Variants in CD300C observed in about 807,000 individuals in gnomAD.
The protein encoded by CD300C is CMRF35-like molecule 6.
A neutral mutation model predicts 18.4 loss-of-function variants in CD300C; 11 were observed. That is an observed-to-expected ratio of 0.60 (90% CI 0.38 to 0.99). The LOEUF (loss-of-function observed/expected upper bound fraction) is 0.99, where lower values mean the gene tolerates loss of function less well. CD300C is among the 50% of genes least tolerant of loss of function. The probability of loss-of-function intolerance (pLI) is 0.01; values close to 1 mark genes in which losing one functional copy is unlikely to be tolerated. For missense variants in CD300C, 277 were observed against 287.4 expected, an observed-to-expected ratio of 0.96 and a Z score of 0.26; for synonymous variants, 116 against 116.3, an observed-to-expected ratio of 1.00 and a Z score of 0.02.
At position 74,542,848 on chromosome 17, in the gene CD300C, G is replaced by A. The variant is rs377347502; in HGVS notation, c.527+13C>T. ...CCGCCAGCGTGGCCCAGTCCTATGC[G>A]CAGGCACCTTACCCAGGGTGTGGGC... is the stretch of plus-strand genomic sequence containing the variant. On this transcript the variant is annotated intron_variant, in intron 3 of 3. Coordinates refer to ENST00000330793, the MANE Select transcript of CD300C (RefSeq NM_006678.5). The A allele has an allele frequency of 1.0e-4, 167 of 1,602,626 alleles. 1 individual carries two copies. In the South Asian group the frequency reaches 1.2e-3, roughly 12 times the overall value.
chr17:74,535,985 A>G, the CD300C span, among the ~76,000 whole-genome samples: 1 of 152,254 alleles, frequency 6.6e-6, no homozygotes, highest in Non-Finnish European at 1.5e-5. Flanking sequence ...AAATGTGGAT[A>G]ATGCTTATCC....
At chr17:74,536,646 T>G (rs989780930), downstream of CD300C, among the ~76,000 whole-genome samples, 23 of 152,006 alleles carry the variant, frequency 1.5e-4, no homozygotes, top group Non-Finnish European at 3.1e-4. Flanking sequence ...GAGCATGAGT[T>G]TAACATTAGT....
At chr17:74,542,679 G>C (rs1389129607) in intron 3 of CD300C, among the ~76,000 whole-genome samples, 182 bp downstream of exon 3, 1 of 152,262 alleles carries the variant, frequency 6.6e-6, no homozygotes. Flanking sequence ...GACAGTGGCT[G>C]TGTGGTTCCC....
intron 2 of CD300C, 88 bp downstream of exon 2, chr17:74,544,521 C>T (rs1328769033): frequency 6.9e-6 from 10 of 1,450,802 alleles, no homozygotes; most frequent in African/African-American, 1.4e-5. Context: ...CCCAGGCTCA[C>T]ACCCTCCTGT....
chr17:74,541,856 C>A (rs576927778), intron 3 of CD300C, 120 bp from the exon 4 acceptor site: 1 of 1,019,822 alleles, frequency 9.8e-7, no homozygotes, highest in East Asian at 2.6e-5. Flanking sequence ...TAAGCACCCC[C>A]CTGGACAGTC....
chr17:74,542,002 G>C (rs943302035), intron 3 of CD300C, among the ~76,000 whole-genome samples: 1 of 152,174 alleles, frequency 6.6e-6, no homozygotes, highest in Non-Finnish European at 1.5e-5. Flanking sequence ...CTGTGTCCAG[G>C]ACGCAGCTGT....
chr17:74,536,910 A>T (rs1013404643), downstream of CD300C, among the ~76,000 whole-genome samples: 1 of 152,166 alleles, frequency 6.6e-6, no homozygotes, highest in Non-Finnish European at 1.5e-5. Flanking sequence ...ATATATGTTC[A>T]TAATAACGTT....
At chr17:74,535,544 T>C in the CD300C span, among the ~76,000 whole-genome samples, 1 of 150,734 alleles carries the variant, frequency 6.6e-6, no homozygotes, top group Non-Finnish European at 1.5e-5. Context: ...AACAAATATA[T>C]GAGCAAATAT....
intron 3 of CD300C, among the ~76,000 whole-genome samples, 171 bp downstream of exon 3, chr17:74,542,690 T>C (rs1391908649): frequency 6.6e-6 from 1 of 152,268 alleles, no homozygotes. Flanking sequence ...TGTGGTTCCC[T>C]GCTGTGACCC....
chr17:74,544,900 C>T lies in CD300C; in HGVS notation c.109G>A (p.Gly37Arg). Residue 37 changes from glycine (G) to arginine (R), a missense_variant, in exon 2 of 4, where the codon GGA becomes AGA. Transcript: ENST00000330793. ...HPMTVAGPVG[G>R]SLSVQCRYEK... is the part of the protein sequence containing the mutation. ...TAGCGACACTGCACACTCAGGGATCCCCCCACGGGGCCCGCCACGGTCATG... is the reference window on the plus strand; with the variant it reads ...TAGCGACACTGCACACTCAGGGATCTCCCCACGGGGCCCGCCACGGTCATG... The T allele has an allele frequency of 3.1e-6, 5 of 1,613,890 alleles. No individual in the cohort carries two copies. Among genetic ancestry groups the T allele is most frequent in the Non-Finnish European group, 4.2e-6 (5 of 1,179,884 alleles).
chr17:74,536,362 T>C (rs962008437), downstream of CD300C, among the ~76,000 whole-genome samples: 1 of 151,662 alleles, frequency 6.6e-6, no homozygotes, highest in Non-Finnish European at 1.5e-5. Context: ...TGAAACCCCG[T>C]CTCTACTAAA....
chr17:74,540,329 T>C (rs552327069), downstream of CD300C, among the ~76,000 whole-genome samples: 11 of 152,368 alleles, frequency 7.2e-5, 1 homozygote, highest in South Asian at 2.1e-3. Context: ...TCTCTTATTT[T>C]ACTCCGTGGC....
downstream of CD300C, among the ~76,000 whole-genome samples, chr17:74,537,364 T>C (rs1908412697): frequency 6.6e-6 from 1 of 152,064 alleles, no homozygotes; most frequent in African/African-American, 2.4e-5. Flanking sequence ...AATAAAGTGT[T>C]GAATGGTCCA....
intron 1 of CD300C, 144 bp from the exon 2 acceptor site, chr17:74,545,091 A>G: frequency 1.4e-6 from 1 of 732,048 alleles, no homozygotes; most frequent in Non-Finnish European, 2.2e-6. Context: ...ACAGGGACTG[A>G]GGGTGGGAGG....
intron 1 of CD300C, 27 bp from the exon 2 acceptor site, chr17:74,544,974 C>G: frequency 6.3e-7 from 1 of 1,578,988 alleles, no homozygotes; most frequent in Non-Finnish European, 8.6e-7. Context: ...AAAATCCTGT[C>G]TCCTTACCAG....
intron 2 of CD300C, among the ~76,000 whole-genome samples, 183 bp downstream of exon 2, chr17:74,544,426 A>G (rs1908674108): frequency 1.3e-5 from 1 of 79,040 alleles, no homozygotes; most frequent in Non-Finnish European, 2.3e-5. Context: ...AAACCACACC[A>G]CAACTCCTAT....
chr17:74,540,811 G>A (rs904454628), downstream of CD300C, among the ~76,000 whole-genome samples: 2 of 152,204 alleles, frequency 1.3e-5, no homozygotes, highest in Non-Finnish European at 2.9e-5. Flanking sequence ...ATGAAGGAGA[G>A]GTCAGGTCCC....
chr17:74,536,980 AAGAAG>A (rs1471877293), downstream of CD300C, among the ~76,000 whole-genome samples: 1 of 151,830 alleles, frequency 6.6e-6, no homozygotes, highest in East Asian at 1.9e-4. Context: ...GAAGAGAAAA[AAGAAG>A]AGGAGGAGGA....
At chr17:74,536,532 CAAAAAAAAAA>C (rs376317178), downstream of CD300C, among the ~76,000 whole-genome samples, 1 of 109,212 alleles carries the variant, frequency 9.2e-6, no homozygotes, top group Non-Finnish European at 1.8e-5. Flanking sequence ...GACTCCGTCT[CAAAAAAAAAA>C]AAAAAAAAAG....
Sources: gnomAD v4.1 joint callset for allele counts (sites outside exome capture counted in the v4.1 genomes callset) on GRCh38, gnomAD v4.1.1 for gene constraint, MANE v1.5 for transcripts, NCBI Gene and HGNC (gene_info 2026-07-23, HGNC 2026-07-21) for gene names.